TSHZ3: variants seen among roughly 807,000 people sequenced by gnomAD.
The protein encoded by TSHZ3 is teashirt zinc finger homeobox 3.
In TSHZ3, 10 loss-of-function variants were observed where a neutral mutation model predicts 64.5. That is an observed-to-expected ratio of 0.16 (90% CI 0.10 to 0.26). The LOEUF (loss-of-function observed/expected upper bound fraction) is 0.26. TSHZ3 is among the 10% of genes least tolerant of loss of function. TSHZ3 has a pLI of 1.00. For missense variants in TSHZ3, 1,242 were observed against 1,421.7 expected (o/e 0.87, Z 2.03); for synonymous variants, 608 against 593.1 (o/e 1.03, Z -0.36).
chr19:31,268,239 A>G (rs1429313163), intron 1 of TSHZ3, among the ~76,000 whole-genome samples: 1 of 152,096 alleles, frequency 6.6e-6, no homozygotes, highest in Non-Finnish European at 1.5e-5. Flanking sequence ...TCTTTCCTTC[A>G]TAAATTACCC....
intron 1 of TSHZ3, among the ~76,000 whole-genome samples, chr19:31,262,808 G>A (rs1007772704): frequency 3.9e-5 from 6 of 152,180 alleles, no homozygotes; most frequent in Admixed American, 2.6e-4. Context: ...CTGCCTGTGA[G>A]TGGAAGGCAC....
At chr19:31,261,609 C>A (rs944078412) in intron 1 of TSHZ3, among the ~76,000 whole-genome samples, 1 of 152,184 alleles carries the variant, frequency 6.6e-6, no homozygotes, top group Non-Finnish European at 1.5e-5. Context: ...TTCTCCATCT[C>A]AAAGTTTCTA....
chr19:31,178,633 C>T (rs533158175), intron 5 of TSHZ3, among the ~76,000 whole-genome samples: 4 of 152,144 alleles, frequency 2.6e-5, no homozygotes, highest in Non-Finnish European at 4.4e-5. Context: ...GAGCCAAGAT[C>T]GCGCCATTGC....
chr19:31,285,692 G>C (rs1268194564), intron 1 of TSHZ3, among the ~76,000 whole-genome samples: 1 of 142,638 alleles, frequency 7.0e-6, no homozygotes, highest in African/African-American at 2.6e-5. Context: ...GCTGAGGCAC[G>C]AGAATTGCTT....
intron 1 of TSHZ3, among the ~76,000 whole-genome samples, chr19:31,282,463 G>A (rs905803125): frequency 5.9e-5 from 9 of 152,292 alleles, no homozygotes; most frequent in African/African-American, 2.2e-4. Flanking sequence ...TCCTCTGTGG[G>A]TGAAGGCCAC....
chr19:31,190,459 C>A (rs1000112974), intron 5 of TSHZ3, among the ~76,000 whole-genome samples: 1 of 152,122 alleles, frequency 6.6e-6, no homozygotes, highest in Non-Finnish European at 1.5e-5. Context: ...ATCTTCAAAG[C>A]AGTATATTTC....
intron 4 of TSHZ3, among the ~76,000 whole-genome samples, chr19:31,211,945 G>C (rs1329372488): frequency 6.6e-6 from 1 of 152,118 alleles, no homozygotes; most frequent in African/African-American, 2.4e-5. Context: ...AGATATCCAG[G>C]GTAGATGCTT....
Position 31,256,347 on chromosome 19 carries a change from C to T in TSHZ3, n.64-13472G>A, listed in dbSNP as rs570637301. 4.6e-5 allele frequency among the ~76,000 whole-genome samples: 7 copies of T among 152,286 alleles called. No individual in the cohort carries two copies. The East Asian group carries it at 1.2e-3, about 25-fold the overall frequency. ...CCTGCCGCCCAGCCCCATCAGCTCT[C>T]TCTCTGCGGGGGTCCTTTTCCAGGT... On this transcript the variant is annotated intron_variant and non_coding_transcript_variant, in intron 1 of 6. Transcript: ENST00000651361.
At chr19:31,215,625 C>A (rs957445439) in intron 4 of TSHZ3, among the ~76,000 whole-genome samples, 1 of 152,206 alleles carries the variant, frequency 6.6e-6, no homozygotes, top group African/African-American at 2.4e-5. Flanking sequence ...ATAATCCCAG[C>A]ACTTTAGGAG....
At chr19:31,263,121 G>T (rs542170328) in intron 1 of TSHZ3, among the ~76,000 whole-genome samples, 6 of 152,322 alleles carry the variant, frequency 3.9e-5, no homozygotes, top group Non-Finnish European at 7.4e-5. Flanking sequence ...GTGGGTCTCT[G>T]CCCTGCCGGG....
At chr19:31,173,113 A>G (rs990850353) in intron 5 of TSHZ3, among the ~76,000 whole-genome samples, 3 of 152,228 alleles carry the variant, frequency 2.0e-5, no homozygotes, top group Non-Finnish European at 2.9e-5. Flanking sequence ...GGAAGATCCA[A>G]TGACCATGTG....
chr19:31,150,420 C>A (rs537012906), exon 7 of TSHZ3, among the ~76,000 whole-genome samples: 2 of 152,324 alleles, frequency 1.3e-5, no homozygotes, highest in Non-Finnish European at 2.9e-5. Context: ...AAAGGACAAC[C>A]AGTGCATCAA....
chr19:31,277,971 G>C lies in TSHZ3; in HGVS notation c.1822C>G (p.His608Asp). The change falls in exon 2 of 2, where the codon CAT (histidine) becomes GAT (aspartate). Residue 608 changes from histidine to aspartate, a missense_variant. Physicochemically the swap from His to Asp is moderately conservative, Grantham distance 81. Around this residue, in one of 4 missense-constraint regions of TSHZ3, gnomAD observed 550 missense variants for 545.1 expected, o/e 1.01. Transcript: ENST00000240587. The surrounding 1 kb of genome is among the most constrained non-coding windows in gnomAD (Gnocchi z 4.5). The part of the protein sequence containing the change: ...QTSPMPKTNF[H>D]AMEELVKKVT... ...TTTTTCACCAGCTCCTCCATGGCATGAAAGTTTGTCTTGGGCATGGGGGAC... is the reference window on the plus strand; with the variant it reads ...TTTTTCACCAGCTCCTCCATGGCATCAAAGTTTGTCTTGGGCATGGGGGAC... 1 of 1,614,238 alleles carries C rather than the reference G, an allele frequency of 6.2e-7. No individual in the cohort carries two copies. Among genetic ancestry groups the C allele is most frequent in the Non-Finnish European group, 8.5e-7 (1 of 1,180,040 alleles).
At chr19:31,348,717 G>C (rs1299976868) in intron 1 of TSHZ3, among the ~76,000 whole-genome samples, 2 of 152,228 alleles carry the variant, frequency 1.3e-5, no homozygotes, top group Admixed American at 6.5e-5. Context: ...AATCGTGTTA[G>C]TACTAAGGTG....
At chr19:31,215,796 G>A (rs1367984077) in intron 4 of TSHZ3, among the ~76,000 whole-genome samples, 3 of 152,034 alleles carry the variant, frequency 2.0e-5, no homozygotes, top group East Asian at 1.9e-4. Context: ...ACTTGAACCC[G>A]GGAGGCGGAG....
At chr19:31,203,042 G>A in intron 5 of TSHZ3, among the ~76,000 whole-genome samples, 1 of 151,918 alleles carries the variant, frequency 6.6e-6, no homozygotes, top group Non-Finnish European at 1.5e-5. Flanking sequence ...ATTAGAAGAT[G>A]ATAAGTAATA....
At chr19:31,315,338 A>G (rs1335805563) in intron 1 of TSHZ3, among the ~76,000 whole-genome samples, 1 of 152,132 alleles carries the variant, frequency 6.6e-6, no homozygotes, top group African/African-American at 2.4e-5. Context: ...CCCTGTCCCA[A>G]AGCGTCCCCG....
At chr19:31,250,633 C>A in intron 1 of TSHZ3, among the ~76,000 whole-genome samples, 1 of 152,072 alleles carries the variant, frequency 6.6e-6, no homozygotes, top group East Asian at 1.9e-4. Flanking sequence ...TATAATAAAA[C>A]CGTTTTGGGG....
At chr19:31,253,462 T>C (rs1239983861) in intron 1 of TSHZ3, among the ~76,000 whole-genome samples, 1 of 152,000 alleles carries the variant, frequency 6.6e-6, no homozygotes, top group Non-Finnish European at 1.5e-5. Flanking sequence ...TCCACAGGGG[T>C]TAACAGAAAA....
Sources: gnomAD v4.1 joint callset for allele counts (sites outside exome capture counted in the v4.1 genomes callset) on GRCh38, gnomAD v4.1.1 for gene constraint, gnomAD v4.1.1 regional missense constraint, Gnocchi (gnomAD v3.1) non-coding constraint, MANE v1.5 for transcripts, NCBI Gene and HGNC (gene_info 2026-07-23, HGNC 2026-07-21) for gene names.